Variants in RALGDS observed in about 807,000 individuals in gnomAD.
The protein encoded by RALGDS is ral guanine nucleotide exchange factor.
In RALGDS, 44 loss-of-function variants were observed where a neutral mutation model predicts 99.8. That is an observed-to-expected ratio of 0.44 (90% CI 0.35 to 0.57). RALGDS has a LOEUF of 0.57. RALGDS is among the 20% of genes least tolerant of loss of function. RALGDS has a pLI of 0.01. For missense variants in RALGDS, 1,022 were observed against 1,203.1 expected, an observed-to-expected ratio of 0.85 and a Z score of 2.23; for synonymous variants, 529 against 505.0, an observed-to-expected ratio of 1.05 and a Z score of -0.64.
chr9:133,147,514 G>A (rs1832642371), intron 1 of RALGDS, among the ~76,000 whole-genome samples: 1 of 152,182 alleles, frequency 6.6e-6, no homozygotes, highest in Non-Finnish European at 1.5e-5. Flanking sequence ...CCTGCTGAAG[G>A]GAAAGAGGAA....
rs777930730 is a variant in RALGDS at position 133,138,795 on chromosome 9, C to T, written c.18+10168G>A. ...AATTACAGGTGTGCACCACCACGCCCGGCTAATTTTTGTATTTTTAGTAGA... is the reference window on the plus strand; with the variant it reads ...AATTACAGGTGTGCACCACCACGCCTGGCTAATTTTTGTATTTTTAGTAGA... On this transcript the variant is annotated intron_variant, in intron 1 of 17. Coordinates refer to the RALGDS transcript ENST00000393160. Among the ~76,000 whole-genome samples the T allele has an allele frequency of 2.6e-5, 4 of 152,146 alleles. No individual in the cohort carries two copies. The East Asian group carries it at 5.8e-4, about 22-fold the overall frequency.
At chr9:133,120,290 C>T (rs1418356346) in intron 1 of RALGDS, among the ~76,000 whole-genome samples, 1 of 152,102 alleles carries the variant, frequency 6.6e-6, no homozygotes. Flanking sequence ...CAGTCCTTAC[C>T]GATTCAGGGT....
chr9:133,118,245 C>T (rs1327662891), intron 1 of RALGDS, among the ~76,000 whole-genome samples: 1 of 152,230 alleles, frequency 6.6e-6, no homozygotes, highest in African/African-American at 2.4e-5. Flanking sequence ...AGGCCCTTTG[C>T]CTTGGGGTCT....
Position 133,121,052 on chromosome 9 carries a change from G to A in RALGDS, c.103C>T (p.Leu35=). Residue 35 remains leucine, a synonymous_variant, in exon 1 of 18, where the codon CTG becomes TTG. Transcript: ENST00000372050. ...CAGCTGTCGGGGACGCCCACCTCCA[G>A]GCGCACGGCGTCCCACACGCTGCGG... ...RSRSVWDAVR[L]EVGVPDSCPV... 6.7e-7 allele frequency: 1 copy of A among 1,491,768 alleles called. No individual in the cohort carries two copies. Among genetic ancestry groups the A allele is most frequent in the Non-Finnish European group, 8.9e-7 (1 of 1,127,338 alleles). 92.4% of individuals were successfully genotyped at this position (1,491,768 alleles called of 1,614,324 possible). A position where few individuals can be genotyped will look rare whatever the true frequency, so the allele number is the denominator to read the frequency against.
At chr9:133,109,170 C>T (rs1400933804) in intron 4 of RALGDS, among the ~76,000 whole-genome samples, 2 of 152,236 alleles carry the variant, frequency 1.3e-5, no homozygotes, top group East Asian at 1.9e-4. Flanking sequence ...CAACTTGTAG[C>T]TCAGTGCTGG....
intron 3 of RALGDS, 129 bp from the exon 4 acceptor site, chr9:133,109,850 T>C: frequency 1.4e-6 from 1 of 734,100 alleles, no homozygotes; most frequent in Non-Finnish European, 2.4e-6. Flanking sequence ...CAGCACACAG[T>C]AGGTGCTTCA....
At chr9:133,126,529 G>A (rs1317571916) in intron 1 of RALGDS, among the ~76,000 whole-genome samples, 1 of 152,194 alleles carries the variant, frequency 6.6e-6, no homozygotes, top group Admixed American at 6.5e-5. Flanking sequence ...CCCAAGTGCC[G>A]CCGGAAGCTG....
chr9:133,102,175 C>A, intron 14 of RALGDS, 36 bp from the exon 15 acceptor site: 1 of 1,545,538 alleles, frequency 6.5e-7, no homozygotes, highest in Non-Finnish European at 8.8e-7. Flanking sequence ...GGGGGCTCCC[C>A]AAGGACACAT....
At chr9:133,129,200 C>G (rs111548200) in intron 1 of RALGDS, 3 of 1,596,964 alleles carry the variant, frequency 1.9e-6, no homozygotes, top group Admixed American at 1.7e-5. Flanking sequence ...GAGAGCGGCA[C>G]GACGGGCGAC....
chr9:133,124,474 T>C (rs73558461), upstream of RALGDS, among the ~76,000 whole-genome samples: 9,010 of 151,422 alleles, frequency 0.06, 846 homozygotes, highest in African/African-American at 0.2. Context: ...AGCCCAGAAA[T>C]TGGAGACCAG....
chr9:133,100,786 G>A, intron 16 of RALGDS: 1 of 1,149,216 alleles, frequency 8.7e-7, no homozygotes, highest in African/African-American at 1.6e-5. Flanking sequence ...GCTCAGTGTG[G>A]TCAGCATAGG....
intron 1 of RALGDS, among the ~76,000 whole-genome samples, chr9:133,115,400 C>G (rs561074066): frequency 2.6e-5 from 4 of 152,190 alleles, no homozygotes; most frequent in Admixed American, 2.6e-4. Context: ...GAAAGGCTCA[C>G]GGCAGAGCCT....
chr9:133,100,825 G>A, intron 16 of RALGDS: 2 of 1,074,990 alleles, frequency 1.9e-6, no homozygotes, highest in Non-Finnish European at 2.3e-6. Context: ...GACCCTGAGG[G>A]CCAGAGCACA....
intron 2 of RALGDS, among the ~76,000 whole-genome samples, chr9:133,111,391 A>G (rs537977035): frequency 6.6e-6 from 1 of 152,058 alleles, no homozygotes. Flanking sequence ...AGCAATTCTC[A>G]TGTCTCAGCC....
In RALGDS at chr9:133,112,074, G is replaced by C. The variant is rs754978236; in HGVS notation, c.262C>G (p.His88Asp). The C allele has an allele frequency of 6.3e-7, 1 of 1,585,788 alleles. No individual in the cohort carries two copies. Among genetic ancestry groups the C allele is most frequent in the South Asian group, 1.1e-5 (1 of 87,190 alleles). ...CAGCGCTGCCCCTTGTTGCCTCCGT[G>C]GTGCAGCTGCACCTTGCGCAGGGAG... is the stretch of plus-strand genomic sequence containing the variant. ...SISLRKVQLH[H>D]GGNKGQRWLG... is the part of the protein sequence containing the mutation. The change falls in exon 2 of 18, where the codon CAC becomes GAC. Residue 88 changes from histidine (H) to aspartate (D), a missense_variant. Physicochemically the swap from His to Asp is moderately conservative, Grantham distance 81. This residue lies in a region of RALGDS where 180 missense variants were observed against 169.3 expected (regional missense o/e 1.06). Transcript: ENST00000372050.
At position 133,103,402 on chromosome 9, in the gene RALGDS, A is replaced by G. The variant is rs368153674; in HGVS notation, c.1759-140T>C. 3.8e-6 allele frequency: 4 copies of G among 1,062,730 alleles called. No homozygotes were observed. The African/African-American group carries it at 6.3e-5, about 17-fold the overall frequency. 65.8% of individuals were successfully genotyped at this position (1,062,730 alleles called of 1,614,324 possible). A position where few individuals can be genotyped will look rare whatever the true frequency, so the allele number is the denominator to read the frequency against. ...TGGATTGAAGCCGGTGCTGGGCACCAGGGCAAGGGGACATGCGGGCAGAGG... is the reference window on the plus strand; with the variant it reads ...TGGATTGAAGCCGGTGCTGGGCACCGGGGCAAGGGGACATGCGGGCAGAGG... On this transcript the variant is annotated intron_variant, in intron 11 of 17. Transcript: ENST00000372050.
At chr9:133,102,983 T>A in intron 12 of RALGDS, 83 bp from the exon 13 acceptor site, 1 of 1,574,072 alleles carries the variant, frequency 6.4e-7, no homozygotes, top group East Asian at 2.3e-5. Flanking sequence ...GTTCTTGGGG[T>A]CCCTTCCTCC....
upstream of RALGDS, among the ~76,000 whole-genome samples, chr9:133,132,494 C>T (rs1051128267): frequency 1.3e-5 from 2 of 152,082 alleles, no homozygotes; most frequent in Admixed American, 6.5e-5. Context: ...CCCTGAGCCT[C>T]GGTTTCCTTG....
At position 133,109,625 on chromosome 9, in the gene RALGDS, CTTT is replaced by C; in HGVS notation, c.582_584del (p.Lys194del). 1.2e-6 allele frequency: 2 copies of C among 1,611,302 alleles called. No homozygotes were observed. The highest frequency in any genetic ancestry group is 1.7e-4 in the Middle Eastern group (1 of 6,060). On this transcript the variant is annotated inframe_deletion and splice_region_variant, in exon 4 of 18. Coordinates refer to ENST00000372050, the MANE Select transcript of RALGDS (RefSeq NM_006266.4). ...TTCCTCTTGGCTCAAAGCTCACTCACTTTTTAAGTTGGTCCTGGGGTCCACCAT... is the reference window on the plus strand; with the variant it reads ...TTCCTCTTGGCTCAAAGCTCACTCACTTAAGTTGGTCCTGGGGTCCACCAT...
Sources: allele counts gnomAD v4.1 joint callset (sites outside exome capture counted in the v4.1 genomes callset), GRCh38; gene constraint gnomAD v4.1.1; regional missense constraint gnomAD v4.1.1; transcripts MANE v1.5; gene names NCBI Gene and HGNC (gene_info 2026-07-23, HGNC 2026-07-21).